Variants in CREBBP observed in about 807,000 individuals in gnomAD.
CREBBP encodes CREB binding lysine acetyltransferase.
Under a neutral mutation model 265.0 loss-of-function variants are expected in CREBBP, and 19 were observed. That is an observed-to-expected ratio of 0.07 (90% CI 0.05 to 0.11). The LOEUF (loss-of-function observed/expected upper bound fraction) is 0.11. Among genes scored for constraint, CREBBP ranks in the 10% least tolerant of loss-of-function variants. The pLI, the probability that CREBBP is intolerant of heterozygous loss-of-function variation, is 1.00. For synonymous variants in CREBBP, 1,457 were observed against 1,223.7 expected (o/e 1.19, Z -3.98); for missense variants, 2,525 against 3,219.0 (o/e 0.78, Z 5.22).
chr16:3,773,200 CAACT>C (rs1302764287), intron 13 of CREBBP, among the ~76,000 whole-genome samples: 2 of 152,040 alleles, frequency 1.3e-5, no homozygotes, highest in Admixed American at 6.5e-5. Flanking sequence ...ATACGCACTA[CAACT>C]AACAAAAGAG....
At chr16:3,776,656 G>A (rs927221670) in intron 11 of CREBBP, among the ~76,000 whole-genome samples, 1 of 152,008 alleles carries the variant, frequency 6.6e-6, no homozygotes, top group African/African-American at 2.4e-5. Flanking sequence ...CACATCTAGG[G>A]TGCTTCTTTC....
intron 1 of CREBBP, among the ~76,000 whole-genome samples, chr16:3,875,270 T>G (rs1407556230): frequency 6.6e-6 from 1 of 152,230 alleles, no homozygotes; most frequent in Non-Finnish European, 1.5e-5. Context: ...CCTTCATCCC[T>G]GACGACCTTT....
At chr16:3,759,096 G>A (rs1287548104) in intron 16 of CREBBP, 124 bp from the exon 17 acceptor site, 4 of 776,556 alleles carry the variant, frequency 5.2e-6, no homozygotes, top group African/African-American at 5.1e-5. Context: ...GGCACTCGAG[G>A]GGCTCTCGTC....
In CREBBP at chr16:3,739,590, G is replaced by A. The variant is rs780907309; in HGVS notation, c.4268C>T (p.Pro1423Leu). Residue 1423 changes from proline to leucine, a missense_variant, in exon 25 of 31, where the codon CCT becomes CTT. Physicochemically the swap from Pro to Leu is moderately conservative, Grantham distance 98. Transcript: ENST00000262367. ...GCTGGAAAACTACCTCGTGTTTGGA[G>A]GGGGGCAATCAGAGCCGTATTCTTG... ...HVQEYGSDCP[P>L]PNTRRVYISY... is the part of the protein sequence containing the mutation. 1.9e-6 allele frequency: 3 copies of A among 1,614,162 alleles called. No individual in the cohort carries two copies. Among genetic ancestry groups the A allele is most frequent in the Admixed American group, 1.7e-5 (1 of 60,006 alleles).
At chr16:3,791,816 C>T (rs1256142908) in intron 5 of CREBBP, among the ~76,000 whole-genome samples, 165 bp downstream of exon 5, 1 of 152,142 alleles carries the variant, frequency 6.6e-6, no homozygotes, top group East Asian at 1.9e-4. Context: ...ACGGAGAGCC[C>T]GCCTGCCCTC....
At chr16:3,875,611 C>T (rs974559674) in intron 1 of CREBBP, among the ~76,000 whole-genome samples, 1 of 152,234 alleles carries the variant, frequency 6.6e-6, no homozygotes, top group Non-Finnish European at 1.5e-5. Context: ...TACTGAAACT[C>T]ACTAAGCTTG....
At chr16:3,816,873 C>A (rs983128191) in intron 2 of CREBBP, among the ~76,000 whole-genome samples, 4 of 152,110 alleles carry the variant, frequency 2.6e-5, no homozygotes, top group African/African-American at 9.7e-5. Context: ...GCCACGCAGC[C>A]CCTAGGAATA....
At position 3,727,692 on chromosome 16, in the gene CREBBP, A is replaced by AG. The variant is rs201047390; in HGVS notation, c.*25dup. On this transcript the variant is annotated 3_prime_UTR_variant, in exon 31 of 31. Coordinates refer to ENST00000262367, the MANE Select transcript of CREBBP (RefSeq NM_004380.3). The stretch of plus-strand genomic sequence containing the variant: ...AGTACAAAAGGTCCAAGAACATGAA[A>AG]GGGAAAAGGTGATGCTCTCACAATG... 18,641 of 1,612,360 alleles carry AG rather than the reference A, an allele frequency of 0.012. 290 individuals carry two copies. The highest frequency in any genetic ancestry group is 0.052 in the South Asian group (4,761 of 91,082).
intron 13 of CREBBP, among the ~76,000 whole-genome samples, chr16:3,771,341 T>A (rs2053003642): frequency 6.6e-6 from 1 of 152,158 alleles, no homozygotes; most frequent in Non-Finnish European, 1.5e-5. Context: ...AGTGCTGGGA[T>A]TACAGGCGTG....
At chr16:3,735,243 G>C (rs1041516134) in intron 28 of CREBBP, among the ~76,000 whole-genome samples, 1 of 152,182 alleles carries the variant, frequency 6.6e-6, no homozygotes, top group Non-Finnish European at 1.5e-5. Context: ...TTGGGTCTGG[G>C]TTCTTTTTGT....
intron 3 of CREBBP, among the ~76,000 whole-genome samples, chr16:3,800,655 C>T (rs751179076): frequency 7.2e-5 from 11 of 152,064 alleles, no homozygotes; most frequent in Non-Finnish European, 1.2e-4. Flanking sequence ...CTATAGTCTC[C>T]CACGACTGTG....
intron 5 of CREBBP, among the ~76,000 whole-genome samples, chr16:3,785,323 G>T (rs1009079828): frequency 1.3e-5 from 2 of 152,226 alleles, no homozygotes; most frequent in African/African-American, 4.8e-5. Flanking sequence ...CAGACTCAGT[G>T]AGTACACTCT....
At chr16:3,846,448 T>G (rs1487997050) in intron 2 of CREBBP, among the ~76,000 whole-genome samples, 3 of 152,196 alleles carry the variant, frequency 2.0e-5, no homozygotes, top group Non-Finnish European at 4.4e-5. Context: ...AGAAATTGCA[T>G]GTCCAATAAA....
At chr16:3,780,241 CAAAA>C (rs559038927) in intron 8 of CREBBP, among the ~76,000 whole-genome samples, 13 of 53,696 alleles carry the variant, frequency 2.4e-4, no homozygotes, top group Non-Finnish European at 3.4e-4. Flanking sequence ...GACTCTGTCT[CAAAA>C]AAAAAAAAAA....
At chr16:3,761,044 T>C (rs768794941) in intron 16 of CREBBP, among the ~76,000 whole-genome samples, 1 of 152,074 alleles carries the variant, frequency 6.6e-6, no homozygotes. Flanking sequence ...AATCTCCGCC[T>C]CCCGGGTTCA....
In CREBBP at chr16:3,725,922, A is replaced by C. The variant is rs1393600180; in HGVS notation, c.*1796T>G. 4.3e-6 allele frequency: 1 copy of C among 232,870 alleles called. No homozygotes were observed. The highest frequency in any genetic ancestry group is 8.5e-6 in the Non-Finnish European group (1 of 117,950). The allele number at this position is 232,870 out of a possible 1,614,324, so 14.4% of individuals were successfully genotyped here. A position where few individuals can be genotyped will look rare whatever the true frequency, so the allele number is the denominator to read the frequency against. Reference sequence around the variant, plus strand: ...TGGGGGTGGTAGACTTAGGGGATGAACTTCAGCTCCCCTGCCCATGGTCCT... The same window carrying C: ...TGGGGGTGGTAGACTTAGGGGATGACCTTCAGCTCCCCTGCCCATGGTCCT... On this transcript the variant is annotated 3_prime_UTR_variant, in exon 31 of 31. Coordinates refer to ENST00000262367, the MANE Select transcript of CREBBP (RefSeq NM_004380.3).
At chr16:3,806,207 C>T (rs2053827096) in intron 3 of CREBBP, among the ~76,000 whole-genome samples, 1 of 152,164 alleles carries the variant, frequency 6.6e-6, no homozygotes, top group East Asian at 1.9e-4. Context: ...CTGTGATATT[C>T]TGGCAGGACA....
intron 15 of CREBBP, among the ~76,000 whole-genome samples, chr16:3,768,136 G>GTGTTTTT (rs2052905104): frequency 5.8e-5 from 3 of 51,610 alleles, no homozygotes; most frequent in African/African-American, 2.0e-4. Context: ...ATTTAAAAGT[G>GTGTTTTT]TTTTTTTTTT....
intron 1 of CREBBP, among the ~76,000 whole-genome samples, chr16:3,854,680 T>C (rs753148803): frequency 8.5e-5 from 13 of 152,172 alleles, no homozygotes; most frequent in Non-Finnish European, 1.8e-4. Context: ...GGCACAGGCA[T>C]TGGGAATCTT....
Sources: allele counts gnomAD v4.1 joint callset (sites outside exome capture counted in the v4.1 genomes callset), GRCh38; gene constraint gnomAD v4.1.1; transcripts MANE v1.5; gene names NCBI Gene and HGNC (gene_info 2026-07-23, HGNC 2026-07-21).